TRPV3: variants seen among roughly 807,000 people sequenced by gnomAD.
TRPV3 encodes VRL-3.
TRPV3 carries 88 observed loss-of-function variants against 87.1 expected under a neutral mutation model. The observed-to-expected ratio is 1.01, with a 90% CI of 0.85 to 1.21. The LOEUF (loss-of-function observed/expected upper bound fraction) is 1.21. TRPV3 is among the 50% of genes most tolerant of loss of function. The pLI, the probability that TRPV3 is intolerant of heterozygous loss-of-function variation, is 0.00. For synonymous variants in TRPV3, 438 were observed against 423.3 expected, an observed-to-expected ratio of 1.03 and a Z score of -0.43; for missense variants, 1,054 against 1,030.1, an observed-to-expected ratio of 1.02 and a Z score of -0.32.
intron 16 of TRPV3, among the ~76,000 whole-genome samples, chr17:3,515,396 C>G (rs1031525051): frequency 1.3e-5 from 2 of 152,122 alleles, no homozygotes; most frequent in South Asian, 2.1e-4. Flanking sequence ...CACCGTGGCT[C>G]ACGCCTGTAA....
intron 2 of TRPV3, among the ~76,000 whole-genome samples, chr17:3,545,492 T>A (rs892367819): frequency 2.0e-5 from 3 of 152,100 alleles, no homozygotes; most frequent in African/African-American, 7.2e-5. Flanking sequence ...GCGAGTCAAG[T>A]GTGAAACTAA....
At chr17:3,550,850 C>T (rs1039603311) in intron 2 of TRPV3, among the ~76,000 whole-genome samples, 1 of 152,168 alleles carries the variant, frequency 6.6e-6, no homozygotes, top group Non-Finnish European at 1.5e-5. Flanking sequence ...ATTGACTCAT[C>T]TGCTTACTCA....
At chr17:3,525,253 CAG>C (rs1235845813) in intron 12 of TRPV3, among the ~76,000 whole-genome samples, 2 of 152,212 alleles carry the variant, frequency 1.3e-5, no homozygotes, top group South Asian at 2.1e-4. Context: ...CTTCTGACCT[CAG>C]GTGATCCACC....
Position 3,556,894 on chromosome 17 carries a change from A to G in TRPV3, c.-3+782T>C, listed in dbSNP as rs1002487730. Among the ~76,000 whole-genome samples, 3 of 152,182 alleles carry G rather than the reference A, an allele frequency of 2.0e-5. No homozygotes were observed. The highest frequency in any genetic ancestry group is 7.2e-5 in the African/African-American group (3 of 41,440). ...GGGATGCACCGAGCGTGAAGGAGAC[A>G]GAAGAAGGGCACGTCTCTTGCCCCT... is the stretch of plus-strand genomic sequence containing the variant. On this transcript the variant is annotated intron_variant, in intron 1 of 17. Transcript: ENST00000576742. This position sits in a 1 kb window ranked among gnomAD's most constrained non-coding sequence, Gnocchi z 4.2.
intron 2 of TRPV3, among the ~76,000 whole-genome samples, chr17:3,545,627 G>A (rs1250351906): frequency 1.3e-5 from 2 of 151,826 alleles, no homozygotes; most frequent in African/African-American, 2.4e-5. Flanking sequence ...CTCTGAACAA[G>A]ATTCTGAGGG....
chr17:3,518,945 T>C lies in TRPV3; in HGVS notation c.1811-95A>G, dbSNP rs2074208448. The C allele has an allele frequency of 7.5e-7, 1 of 1,334,300 alleles. No homozygotes were observed. The highest frequency in any genetic ancestry group is 1.0e-6 in the Non-Finnish European group (1 of 985,452). 82.7% of individuals were successfully genotyped at this position (1,334,300 alleles called of 1,614,324 possible). On this transcript the variant is annotated intron_variant, in intron 14 of 17. Transcript: ENST00000576742. This position sits in a 1 kb window ranked among gnomAD's most constrained non-coding sequence, Gnocchi z 4.3. ...TTGCCTACATGACAAGCCTGCTGCC[T>C]CCTTCTCTCTGGCCATTAAATCCCA...
In TRPV3 at chr17:3,516,395, C is replaced by T. The variant is rs8081785; in HGVS notation, c.2198+62G>A. ...CACTGTTTCTCTAACATCCTGTCAC[C>T]ATCCTGCCCCTCTCTACCCACCCCA... On this transcript the variant is annotated intron_variant, in intron 16 of 17. Transcript: ENST00000576742. 880,356 of 1,280,514 alleles carry T rather than the reference C, an allele frequency of 0.69. 306,358 individuals are homozygous for T. Among genetic ancestry groups the T allele is most frequent in the Non-Finnish European group, 0.71 (625,250 of 876,890 alleles). The allele number at this position is 1,280,514 out of a possible 1,614,324, so 79.3% of individuals were successfully genotyped here.
rs1238534698 is a variant in TRPV3, at chr17:3,557,021, A to ATGTGGCCT, written c.-3+647_-3+654dup. 5.9e-5 allele frequency among the ~76,000 whole-genome samples: 9 copies of ATGTGGCCT among 152,140 alleles called. No homozygotes were observed. The highest frequency in any genetic ancestry group is 2.2e-4 in the African/African-American group (9 of 41,514). On this transcript the variant is annotated intron_variant, in intron 1 of 17. Transcript: ENST00000576742. The surrounding 1 kb of genome is among the most constrained non-coding windows in gnomAD (Gnocchi z 4.5). ...CTCTCTCTCTTCTCTGGGCCCGAGA[A>ATGTGGCCT]TGTGGCCTGCCCTGGGCCTCTGGGG...
At chr17:3,537,661 T>C (rs1201936363) in intron 6 of TRPV3, among the ~76,000 whole-genome samples, 1 of 152,108 alleles carries the variant, frequency 6.6e-6, no homozygotes, top group Non-Finnish European at 1.5e-5. Context: ...CCCAGCACTT[T>C]GGGAAGCCGA....
At position 3,518,496 on chromosome 17, in the gene TRPV3, G is replaced by T; in HGVS notation, c.2085+80C>A. ...TCTCAGGCCCCACCTCAGACCCACTGGTGCTGACAGTAGTCAATGACCACG... is the reference window on the plus strand; with the variant it reads ...TCTCAGGCCCCACCTCAGACCCACTTGTGCTGACAGTAGTCAATGACCACG... On this transcript the variant is annotated intron_variant, in intron 15 of 17. Transcript: ENST00000576742. This position sits in a 1 kb window ranked among gnomAD's most constrained non-coding sequence, Gnocchi z 4.3. The T allele has an allele frequency of 6.8e-7, 1 of 1,461,716 alleles. No homozygotes were observed. The highest frequency in any genetic ancestry group is 9.1e-7 in the Non-Finnish European group (1 of 1,095,986). 90.5% of individuals were successfully genotyped at this position (1,461,716 alleles called of 1,614,324 possible).
intron 5 of TRPV3, 69 bp downstream of exon 5, chr17:3,543,405 G>T: frequency 6.3e-7 from 1 of 1,583,564 alleles, no homozygotes; most frequent in African/African-American, 1.3e-5. Flanking sequence ...GTGAGGGGAG[G>T]GGAAAATGGG....
At chr17:3,521,775 A>G (rs2074247887) in intron 13 of TRPV3, among the ~76,000 whole-genome samples, 1 of 152,236 alleles carries the variant, frequency 6.6e-6, no homozygotes, top group African/African-American at 2.4e-5. Flanking sequence ...AAAATAAGTT[A>G]TATTTAAAAC....
At position 3,511,290 on chromosome 17, in the gene TRPV3, T is replaced by G. The variant is rs998032808; in HGVS notation, c.*2627A>C. 2.6e-5 allele frequency: 4 copies of G among 152,162 alleles called. No individual in the cohort carries two copies. Among genetic ancestry groups the G allele is most frequent in the Non-Finnish European group, 5.9e-5 (4 of 68,030 alleles). The allele number at this position is 152,162 out of a possible 1,614,324, so 9.4% of individuals were successfully genotyped here. On this transcript the variant is annotated 3_prime_UTR_variant, in exon 18 of 18. Transcript: ENST00000576742. ...AATGAGACACCTGAGAAAATAGTCC[T>G]GCCCCCCAATATAAGCGAAATACAA...
intron 2 of TRPV3, 112 bp downstream of exon 2, chr17:3,554,620 G>A (rs757873798): frequency 1.6e-5 from 12 of 757,640 alleles, no homozygotes; most frequent in Non-Finnish European, 2.6e-5. Flanking sequence ...CACCCCGGGC[G>A]AGACTGAGAG....
rs1276504402 is a variant in TRPV3, at chr17:3,544,681, G to A, written c.225-16C>T. On this transcript the variant is annotated splice_polypyrimidine_tract_variant and intron_variant, in intron 3 of 17. Coordinates refer to ENST00000576742, the MANE Select transcript of TRPV3 (RefSeq NM_145068.4). The stretch of plus-strand genomic sequence containing the variant: ...ACCAGAGATGCTGGAGGTGTTGGCA[G>A]GGGGAACAGAGAGGGTTTTAAAGTT... 6.9e-6 allele frequency: 11 copies of A among 1,593,336 alleles called. No individual in the cohort carries two copies. The highest frequency in any genetic ancestry group is 8.6e-6 in the Non-Finnish European group (10 of 1,166,696).
Position 3,530,126 on chromosome 17 carries a change from C to G in TRPV3, c.1143G>C (p.Ala381=). The G allele has an allele frequency of 1.9e-6, 3 of 1,614,180 alleles. No homozygotes were observed. The South Asian group carries it at 3.3e-5, about 18-fold the overall frequency. ...AGAGGGAGGATGACACGGGTCCGTACGCCCAGTCGGTGAACTTCCTGGACA... is the reference window on the plus strand; with the variant it reads ...AGAGGGAGGATGACACGGGTCCGTAGGCCCAGTCGGTGAACTTCCTGGACA... ...RSLSRKFTDW[A]YGPVSSSLYD... Residue 381 remains alanine, a synonymous_variant, in exon 9 of 18, where the codon GCG becomes GCC. Transcript: ENST00000576742. The surrounding 1 kb of genome is among the most constrained non-coding windows in gnomAD (Gnocchi z 4.0).
intron 2 of TRPV3, among the ~76,000 whole-genome samples, chr17:3,545,804 C>T (rs1359955480): frequency 6.9e-6 from 1 of 145,516 alleles, no homozygotes; most frequent in Non-Finnish European, 1.5e-5. Flanking sequence ...CATGGCGAAA[C>T]TCTGTTTCTA....
chr17:3,520,797 A>T (rs1015708101), intron 14 of TRPV3, among the ~76,000 whole-genome samples, 176 bp downstream of exon 14: 1 of 152,190 alleles, frequency 6.6e-6, no homozygotes, highest in Non-Finnish European at 1.5e-5. Context: ...AACTTAAAGT[A>T]TAATAAAATA....
chr17:3,523,202 C>T (rs1351950771), intron 13 of TRPV3, among the ~76,000 whole-genome samples: 1 of 152,098 alleles, frequency 6.6e-6, no homozygotes, highest in Non-Finnish European at 1.5e-5. Flanking sequence ...ATGTATAGCA[C>T]AAAAATATCA....
Sources: allele counts gnomAD v4.1 joint callset (sites outside exome capture counted in the v4.1 genomes callset), GRCh38; gene constraint gnomAD v4.1.1; non-coding constraint Gnocchi (gnomAD v3.1); transcripts MANE v1.5; gene names NCBI Gene and HGNC (gene_info 2026-07-23, HGNC 2026-07-21).